The following CNTNAP5 variants were observed in gnomAD, a reference collection of about 807,000 sequenced individuals.
The protein encoded by CNTNAP5 is contactin associated protein family member 5.
CNTNAP5 carries 72 observed loss-of-function variants against 150.2 expected under a neutral mutation model. The observed-to-expected ratio is 0.48, with a 90% CI of 0.40 to 0.58. The LOEUF (loss-of-function observed/expected upper bound fraction) is 0.58, where lower values mean the gene tolerates loss of function less well. Among genes scored for constraint, CNTNAP5 ranks in the 20% least tolerant of loss-of-function variants. The pLI is 0.00. For synonymous variants in CNTNAP5, 672 were observed against 619.8 expected (o/e 1.08, Z -1.25); for missense variants, 1,636 against 1,626.2 (o/e 1.01, Z -0.10).
At chr2:124,310,994 A>G (rs975516589) in intron 3 of CNTNAP5, among the ~76,000 whole-genome samples, 1 of 152,182 alleles carries the variant, frequency 6.6e-6, no homozygotes, top group Non-Finnish European at 1.5e-5. Flanking sequence ...GTCTCTGTAA[A>G]TAAAACTCAG....
At chr2:124,428,673 A>C (rs370835853) in intron 4 of CNTNAP5, among the ~76,000 whole-genome samples, 1 of 146,094 alleles carries the variant, frequency 6.8e-6, no homozygotes, top group Middle Eastern at 3.2e-3. Context: ...AGCAATCAGC[A>C]TTTTTTTTTT....
chr2:124,188,123 C>G (rs1189815374), intron 1 of CNTNAP5, among the ~76,000 whole-genome samples: 2 of 152,126 alleles, frequency 1.3e-5, no homozygotes, highest in African/African-American at 4.8e-5. Context: ...GCTTTGGGAG[C>G]TGGGAGACCC....
At chr2:124,432,603 A>G (rs1449533551) in intron 4 of CNTNAP5, among the ~76,000 whole-genome samples, 1 of 152,160 alleles carries the variant, frequency 6.6e-6, no homozygotes, top group Non-Finnish European at 1.5e-5. Context: ...GCTACCTAGG[A>G]CACAATTTCT....
intron 19 of CNTNAP5, among the ~76,000 whole-genome samples, chr2:124,849,591 A>C (rs1415316694): frequency 1.3e-5 from 2 of 152,202 alleles, no homozygotes; most frequent in East Asian, 3.8e-4. Flanking sequence ...AATTTTAATA[A>C]GAACTGCATT....
At chr2:124,590,627 A>G (rs1262413546) in intron 11 of CNTNAP5, among the ~76,000 whole-genome samples, 1 of 152,224 alleles carries the variant, frequency 6.6e-6, no homozygotes, top group Admixed American at 6.5e-5. Context: ...ACTAGAATTA[A>G]TTTGATCCTA....
intron 14 of CNTNAP5, among the ~76,000 whole-genome samples, chr2:124,752,139 T>C (rs1255138743): frequency 6.6e-6 from 1 of 152,150 alleles, no homozygotes; most frequent in Non-Finnish European, 1.5e-5. Context: ...CACCGCAGCA[T>C]GCATGTTTCT....
At chr2:124,626,582 C>T (rs531721114) in intron 12 of CNTNAP5, among the ~76,000 whole-genome samples, 1 of 152,246 alleles carries the variant, frequency 6.6e-6, no homozygotes, top group Non-Finnish European at 1.5e-5. Flanking sequence ...AGGAGATTCC[C>T]TCGTGAGCCT....
intron 22 of CNTNAP5, among the ~76,000 whole-genome samples, chr2:124,911,224 A>T (rs190328073): frequency 6.6e-6 from 1 of 152,016 alleles, no homozygotes; most frequent in Non-Finnish European, 1.5e-5. Context: ...CTCTGTTTTA[A>T]CCCCTTATCT....
chr2:124,419,761 T>C (rs1235952075), intron 4 of CNTNAP5, among the ~76,000 whole-genome samples: 1 of 151,870 alleles, frequency 6.6e-6, no homozygotes. Context: ...GCTTTGGTAC[T>C]TTTTTTTATT....
At chr2:124,564,749 A>G (rs1162162890) in intron 11 of CNTNAP5, among the ~76,000 whole-genome samples, 2 of 152,252 alleles carry the variant, frequency 1.3e-5, no homozygotes, top group Non-Finnish European at 2.9e-5. Flanking sequence ...AGAGAAATGT[A>G]TGCCCAACTA....
intron 13 of CNTNAP5, among the ~76,000 whole-genome samples, chr2:124,724,173 A>ATAG (rs1680106739): frequency 6.7e-6 from 1 of 150,308 alleles, no homozygotes; most frequent in African/African-American, 2.4e-5. Flanking sequence ...AATAATAATA[A>ATAG]TAATGATGAT....
At chr2:124,130,946 T>C (rs1162786967) in intron 1 of CNTNAP5, among the ~76,000 whole-genome samples, 2 of 152,178 alleles carry the variant, frequency 1.3e-5, no homozygotes, top group Non-Finnish European at 2.9e-5. Context: ...AAGGTGATAC[T>C]GTAATAATAG....
chr2:124,263,627 T>G (rs550763448), intron 3 of CNTNAP5, among the ~76,000 whole-genome samples: 39 of 152,314 alleles, frequency 2.6e-4, no homozygotes, highest in African/African-American at 8.7e-4. Flanking sequence ...TAGTTTCTTT[T>G]GCTGTGCAGA....
intron 13 of CNTNAP5, among the ~76,000 whole-genome samples, chr2:124,712,290 T>G (rs1679823871): frequency 6.6e-6 from 1 of 152,182 alleles, no homozygotes; most frequent in Non-Finnish European, 1.5e-5. Flanking sequence ...TTCTAAGCAT[T>G]TACTTGTATT....
At chr2:124,338,061 C>A (rs1025247134) in intron 3 of CNTNAP5, among the ~76,000 whole-genome samples, 3 of 151,966 alleles carry the variant, frequency 2.0e-5, no homozygotes, top group Non-Finnish European at 4.4e-5. Context: ...GTTTGTAGTT[C>A]TCCTTGAAGA....
At chr2:124,501,353 T>G (rs2104860064) in intron 7 of CNTNAP5, among the ~76,000 whole-genome samples, 1 of 152,324 alleles carries the variant, frequency 6.6e-6, no homozygotes, top group South Asian at 2.1e-4. Context: ...TTGAATGGAA[T>G]TAAACATACA....
At chr2:124,359,096 GTGT>G (rs1372224295) in intron 3 of CNTNAP5, among the ~76,000 whole-genome samples, 2 of 151,980 alleles carry the variant, frequency 1.3e-5, no homozygotes, top group Non-Finnish European at 2.9e-5. Flanking sequence ...TTGCATAGAG[GTGT>G]TTGTAGTATT....
intron 11 of CNTNAP5, among the ~76,000 whole-genome samples, chr2:124,576,959 T>A (rs896411497): frequency 2.0e-5 from 3 of 152,242 alleles, no homozygotes; most frequent in Non-Finnish European, 2.9e-5. Flanking sequence ...TTCTGATTTC[T>A]ATGTTTGGAA....
intron 13 of CNTNAP5, among the ~76,000 whole-genome samples, chr2:124,660,707 CTA>C (rs1678569815): frequency 1.3e-5 from 2 of 151,802 alleles, no homozygotes; most frequent in African/African-American, 4.8e-5. Context: ...CTGTAGGCAA[CTA>C]TAATACAATG....
Sources: allele counts gnomAD v4.1 joint callset (sites outside exome capture counted in the v4.1 genomes callset), GRCh38; gene constraint gnomAD v4.1.1; transcripts MANE v1.5; gene names NCBI Gene and HGNC (gene_info 2026-07-23, HGNC 2026-07-21).